TMCO1: variants seen among roughly 807,000 people sequenced by gnomAD.
TMCO1 encodes transmembrane and coiled-coil domains 1, also known as calcium load-activated calcium channel.
In TMCO1, 29 loss-of-function variants were observed where a neutral mutation model predicts 29.3. The ratio of observed to expected loss-of-function variants is 0.99; its 90% CI spans 0.74 to 1.35. The LOEUF (loss-of-function observed/expected upper bound fraction) is 1.35. Among genes scored for constraint, TMCO1 ranks in the 40% most tolerant of loss-of-function variants. TMCO1 has a pLI of 0.00. For synonymous variants in TMCO1, 80 were observed against 77.1 expected, an observed-to-expected ratio of 1.04 and a Z score of -0.20; for missense variants, 173 against 225.5, an observed-to-expected ratio of 0.77 and a Z score of 1.49.
chr1:165,747,593 G>T (rs560255679), intron 5 of TMCO1, among the ~76,000 whole-genome samples: 2 of 152,212 alleles, frequency 1.3e-5, no homozygotes, highest in Admixed American at 6.5e-5. Context: ...AGTTAAAACA[G>T]AGTACGTAGT....
At chr1:165,730,244 G>C (rs1651094655) in intron 6 of TMCO1, among the ~76,000 whole-genome samples, 1 of 152,072 alleles carries the variant, frequency 6.6e-6, no homozygotes, top group African/African-American at 2.4e-5. Context: ...GCTGAGGCAG[G>C]AGAATGGCAC....
intron 3 of TMCO1, among the ~76,000 whole-genome samples, chr1:165,756,301 G>T (rs1652190227): frequency 6.6e-6 from 1 of 152,084 alleles, no homozygotes; most frequent in African/African-American, 2.4e-5. Context: ...GACAAAAGCT[G>T]AATGCCAAAA....
At chr1:165,761,243 G>T (rs573318902) in intron 2 of TMCO1, among the ~76,000 whole-genome samples, 10 of 152,180 alleles carry the variant, frequency 6.6e-5, no homozygotes, top group African/African-American at 2.4e-4. Context: ...AAATAGAAAG[G>T]TAAGATACAG....
At chr1:165,725,901 G>T (rs1571203954), downstream of TMCO1, 1 of 598,338 alleles carries the variant, frequency 1.7e-6, no homozygotes, top group African/African-American at 1.8e-5. Flanking sequence ...TAATGAATAG[G>T]GTGAATAGAT....
chr1:165,736,578 G>A (rs879795142), intron 6 of TMCO1, among the ~76,000 whole-genome samples: 10 of 152,000 alleles, frequency 6.6e-5, no homozygotes, highest in African/African-American at 1.7e-4. Flanking sequence ...AAAATTAGCC[G>A]GGCATGGTAG....
intron 6 of TMCO1, among the ~76,000 whole-genome samples, chr1:165,735,703 C>T (rs575570897): frequency 1.4e-4 from 22 of 152,026 alleles, no homozygotes; most frequent in African/African-American, 5.1e-4. Context: ...TTAGTAGAGA[C>T]GGGGTTTCAA....
At chr1:165,732,536 A>C (rs1651211444) in intron 6 of TMCO1, among the ~76,000 whole-genome samples, 1 of 151,410 alleles carries the variant, frequency 6.6e-6, no homozygotes, top group African/African-American at 2.4e-5. Flanking sequence ...TACACATATA[A>C]AATATAGTTG....
At chr1:165,726,172 GA>G, downstream of TMCO1, 1 of 693,988 alleles carries the variant, frequency 1.4e-6, no homozygotes, top group Non-Finnish European at 2.6e-6. Flanking sequence ...ATTATCATTC[GA>G]ATTATTATTT....
intron 2 of TMCO1, among the ~76,000 whole-genome samples, chr1:165,767,097 G>A (rs1396434489): frequency 6.6e-6 from 1 of 152,074 alleles, no homozygotes; most frequent in Non-Finnish European, 1.5e-5. Context: ...ATCATCCTGA[G>A]GCTCAATTTT....
chr1:165,734,988 A>T (rs568812642), intron 6 of TMCO1, among the ~76,000 whole-genome samples: 1 of 152,326 alleles, frequency 6.6e-6, no homozygotes, highest in Non-Finnish European at 1.5e-5. Flanking sequence ...AAGTGGAAAT[A>T]AAAATTCTGA....
chr1:165,746,739 G>A (rs1449690718), intron 5 of TMCO1, among the ~76,000 whole-genome samples: 2 of 151,982 alleles, frequency 1.3e-5, no homozygotes, highest in East Asian at 1.9e-4. Flanking sequence ...AGTATCGTTG[G>A]TATTTTACCT....
intron 2 of TMCO1, among the ~76,000 whole-genome samples, chr1:165,763,513 G>C (rs371271324): frequency 6.6e-6 from 1 of 152,176 alleles, no homozygotes; most frequent in East Asian, 1.9e-4. Flanking sequence ...AATGCCATGA[G>C]TCATTCCAAT....
intron 6 of TMCO1, among the ~76,000 whole-genome samples, chr1:165,730,962 C>A (rs763997962): frequency 5.3e-5 from 8 of 150,644 alleles, no homozygotes; most frequent in Non-Finnish European, 1.2e-4. Flanking sequence ...TGCAGTGGTG[C>A]GATCTTGGCT....
At position 165,727,797 on chromosome 1, in the gene TMCO1, TAACTA is replaced by T. The variant is rs1650965263; in HGVS notation, c.*221_*225del. On this transcript the variant is annotated 3_prime_UTR_variant, in exon 7 of 7. Coordinates refer to ENST00000367881, the MANE Select transcript of TMCO1 (RefSeq NM_019026.6). ...TCATTACATAAACATTACCTGAACT[TAACTA>T]ATCAATCCACTTATTTGATAAAAAT... The T allele has an allele frequency of 2.0e-6, 1 of 490,282 alleles. No homozygotes were observed. Among genetic ancestry groups the T allele is most frequent in the Non-Finnish European group, 4.0e-6 (1 of 250,842 alleles). 30.4% of individuals were successfully genotyped at this position (490,282 alleles called of 1,614,324 possible). A position where few individuals can be genotyped will look rare whatever the true frequency, so the allele number is the denominator to read the frequency against.
At chr1:165,765,116 C>A (rs1022588638) in intron 2 of TMCO1, among the ~76,000 whole-genome samples, 2 of 152,064 alleles carry the variant, frequency 1.3e-5, no homozygotes, top group African/African-American at 4.8e-5. Context: ...AACAAAGAAC[C>A]GTGCCCTAGT....
intron 5 of TMCO1, among the ~76,000 whole-genome samples, chr1:165,745,011 G>A (rs1193891884): frequency 6.6e-6 from 1 of 151,656 alleles, no homozygotes; most frequent in Non-Finnish European, 1.5e-5. Context: ...AATTTTAAGA[G>A]TGTAAGGGAT....
At chr1:165,753,646 T>C (rs1203581379) in intron 4 of TMCO1, among the ~76,000 whole-genome samples, 3 of 151,564 alleles carry the variant, frequency 2.0e-5, no homozygotes, top group African/African-American at 7.3e-5. Flanking sequence ...ACCTCATCTC[T>C]ACAAAAAAAA....
At chr1:165,725,616 A>G (rs1397573812), downstream of TMCO1, 1 of 454,130 alleles carries the variant, frequency 2.2e-6, no homozygotes. Flanking sequence ...ATGTGTTATG[A>G]GAGATGTTCA....
At chr1:165,739,380 T>C (rs555964404) in intron 6 of TMCO1, among the ~76,000 whole-genome samples, 1 of 101,718 alleles carries the variant, frequency 9.8e-6, no homozygotes, top group South Asian at 4.2e-4. Flanking sequence ...CCAGCTTGAG[T>C]TGAACTTCCT....
Sources: gnomAD v4.1 joint callset for allele counts (sites outside exome capture counted in the v4.1 genomes callset) on GRCh38, gnomAD v4.1.1 for gene constraint, MANE v1.5 for transcripts, NCBI Gene and HGNC (gene_info 2026-07-23, HGNC 2026-07-21) for gene names.